Variants in SCN11A observed in about 807,000 individuals in gnomAD.
SCN11A encodes the protein sodium channel protein type 11 subunit alpha.
In SCN11A, 122 loss-of-function variants were observed where a neutral mutation model predicts 162.2. The observed-to-expected ratio is 0.75, with a 90% CI of 0.65 to 0.87. The LOEUF is 0.87. Ranked by LOEUF, SCN11A falls within the 40% of genes least tolerant of loss-of-function variation. The pLI is 0.00. For missense variants in SCN11A, 2,015 were observed against 2,181.6 expected (o/e 0.92, Z 1.52); for synonymous variants, 758 against 751.5 (o/e 1.01, Z -0.14).
chr3:39,041,040 C>G (rs150650296), intron 1 of SCN11A, among the ~76,000 whole-genome samples: 2,187 of 152,252 alleles, frequency 0.014, 20 homozygotes, highest in Non-Finnish European at 0.018. Context: ...TGAGATAGCG[C>G]CACTGCACTC....
intron 28 of SCN11A, among the ~76,000 whole-genome samples, chr3:38,859,661 T>C (rs1233053240): frequency 6.6e-6 from 1 of 152,142 alleles, no homozygotes; most frequent in Non-Finnish European, 1.5e-5. Context: ...ATTATGATAG[T>C]GAAAGAAATC....
chr3:38,866,667 T>A (rs1490572853), intron 27 of SCN11A, among the ~76,000 whole-genome samples: 1 of 152,246 alleles, frequency 6.6e-6, no homozygotes, highest in Non-Finnish European at 1.5e-5. Flanking sequence ...ATCAAAATCA[T>A]AAGAGGCATG....
intron 2 of SCN11A, among the ~76,000 whole-genome samples, chr3:38,964,509 G>A (rs2066769231): frequency 6.6e-6 from 1 of 152,210 alleles, no homozygotes; most frequent in African/African-American, 2.4e-5. Context: ...TCAAGGAGCT[G>A]CAAGTAAGAT....
chr3:39,025,497 G>A (rs1383951210), intron 2 of SCN11A, among the ~76,000 whole-genome samples: 1 of 152,144 alleles, frequency 6.6e-6, no homozygotes, highest in Non-Finnish European at 1.5e-5. Context: ...GAATTTTCCT[G>A]GAAAGGGATG....
At chr3:39,031,255 C>T (rs929623185) in intron 2 of SCN11A, among the ~76,000 whole-genome samples, 1 of 152,122 alleles carries the variant, frequency 6.6e-6, no homozygotes, top group African/African-American at 2.4e-5. Context: ...GGCACGGTGG[C>T]TCTCGCTTGC....
intron 7 of SCN11A, among the ~76,000 whole-genome samples, chr3:38,933,742 G>A (rs1295021437): frequency 5.3e-5 from 8 of 152,188 alleles, no homozygotes; most frequent in Non-Finnish European, 8.8e-5. Flanking sequence ...CCAAATCTAC[G>A]TCTGATTGGT....
chr3:38,931,103 A>G (rs551467331), intron 7 of SCN11A, among the ~76,000 whole-genome samples: 1 of 152,346 alleles, frequency 6.6e-6, no homozygotes, highest in South Asian at 2.1e-4. Context: ...GTAAGCAACG[A>G]GTAGCAACCC....
Position 38,850,495 on chromosome 3 carries a change from A to C in SCN11A, c.4313T>G (p.Leu1438Arg). 1 of 1,613,062 alleles carries C rather than the reference A, an allele frequency of 6.2e-7. No homozygotes were observed. Among genetic ancestry groups the C allele is most frequent in the South Asian group, 1.1e-5 (1 of 90,918 alleles). The change falls in exon 29 of 30, where the codon CTT (leucine) becomes CGT (arginine). Residue 1438 changes from leucine to arginine, a missense_variant. By Grantham distance (102) the Leu-to-Arg change is moderately radical (BLOSUM62 -2). Transcript: ENST00000302328. ...ATTTTACTTACTAACAATGGAAAGA[A>C]GCACGACCACACAGTCAAATAAATT... ...GWNLFDCVVV[L>R]LSIVSTMIST...
rs182068633 is a variant in SCN11A, at chr3:39,043,596, C to T, written c.-404+8265G>A. On this transcript the variant is annotated intron_variant, in intron 1 of 29. Coordinates refer to ENST00000302328, the MANE Select transcript of SCN11A (RefSeq NM_001349253.2). ...CACAGAAAGCAAACATCACATGTTC[C>T]CACTTATTTGTGGGATCTAAAAATC... 3.0e-3 allele frequency among the ~76,000 whole-genome samples: 452 copies of T among 151,730 alleles called. 3 individuals carry two copies. The highest frequency in any genetic ancestry group is 0.01 in the African/African-American group (432 of 41,352).
intron 28 of SCN11A, among the ~76,000 whole-genome samples, chr3:38,860,910 GA>G (rs1379414952): frequency 6.6e-6 from 1 of 152,086 alleles, no homozygotes; most frequent in Admixed American, 6.6e-5. Context: ...ATAAGAGAAA[GA>G]AATAAAGAGT....
chr3:38,968,377 C>T (rs1040675686), intron 2 of SCN11A, among the ~76,000 whole-genome samples: 9 of 152,200 alleles, frequency 5.9e-5, no homozygotes, highest in African/African-American at 1.9e-4. Flanking sequence ...AGGCAGCTGC[C>T]CCTGCCAACC....
intron 2 of SCN11A, among the ~76,000 whole-genome samples, chr3:38,961,664 A>G (rs1252016133): frequency 1.3e-5 from 2 of 152,270 alleles, no homozygotes; most frequent in Non-Finnish European, 2.9e-5. Flanking sequence ...CGAATCCATT[A>G]TCTTAAAGAG....
rs561074096 is a variant in SCN11A at position 38,932,867 on chromosome 3, C to T, written c.489-5936G>A. On this transcript the variant is annotated intron_variant, in intron 7 of 29. Coordinates refer to ENST00000302328, the MANE Select transcript of SCN11A (RefSeq NM_001349253.2). ...CCCTGTCTGACAGCTTTGAAGAGAG[C>T]AGTGGTTCTCCCAGCACCCAGCTGG... is the stretch of plus-strand genomic sequence containing the variant. 4.7e-3 allele frequency among the ~76,000 whole-genome samples: 718 copies of T among 152,342 alleles called. 2 individuals are homozygous for T. The highest frequency in any genetic ancestry group is 6.8e-3 in the Middle Eastern group (2 of 294).
intron 1 of SCN11A, among the ~76,000 whole-genome samples, chr3:39,045,655 A>G (rs1448195835): frequency 6.6e-6 from 1 of 152,140 alleles, no homozygotes; most frequent in Non-Finnish European, 1.5e-5. Context: ...AACACAATAA[A>G]GGCCATATAT....
intron 23 of SCN11A, among the ~76,000 whole-genome samples, chr3:38,878,509 G>C (rs1438046011): frequency 6.6e-6 from 1 of 152,028 alleles, no homozygotes; most frequent in African/African-American, 2.4e-5. Context: ...ACAATCATCT[G>C]TTCACACAGT....
In SCN11A at chr3:38,897,165, C is replaced by G; in HGVS notation, c.2083G>C (p.Gly695Arg). ...CTTCCAAGGGCTCCGACAGAGTTGC[C>G]GATTATCTTAATTAGTGTGTTCAAA... ...PTLNTLIKII[G>R]NSVGALGSLT... Residue 695 changes from glycine (G) to arginine (R), a missense_variant, in exon 18 of 30, where the codon GGC (glycine) becomes CGC (arginine). By Grantham distance (125) the Gly-to-Arg change is moderately radical. Coordinates refer to ENST00000302328, the MANE Select transcript of SCN11A (RefSeq NM_001349253.2). 6.2e-7 allele frequency: 1 copy of G among 1,613,976 alleles called. No homozygotes were observed. Among genetic ancestry groups the G allele is most frequent in the Non-Finnish European group, 8.5e-7 (1 of 1,179,982 alleles).
Position 38,870,614 on chromosome 3 carries a change from G to A in SCN11A, c.3813+77C>T, listed in dbSNP as rs2065109955. On this transcript the variant is annotated intron_variant, in intron 26 of 29. Coordinates refer to ENST00000302328, the MANE Select transcript of SCN11A (RefSeq NM_001349253.2). ...CCCAGCTGCTGGAACTATGACGCCA[G>A]TTCTGGACTGTCCATGTAGTCATGA... 6.2e-6 allele frequency: 8 copies of A among 1,280,438 alleles called. No individual in the cohort carries two copies. In the East Asian group the frequency reaches 1.9e-4, roughly 30 times the overall value. The allele number at this position is 1,280,438 out of a possible 1,614,324, so 79.3% of individuals were successfully genotyped here. A position where few individuals can be genotyped will look rare whatever the true frequency, so the allele number is the denominator to read the frequency against.
intron 2 of SCN11A, among the ~76,000 whole-genome samples, chr3:38,985,210 C>A (rs1442883291): frequency 7.5e-5 from 11 of 147,284 alleles, no homozygotes; most frequent in Admixed American, 1.3e-4. Context: ...TCACTGCAAG[C>A]TCTGCCTCCC....
In SCN11A at chr3:38,862,672, A is replaced by G. The variant is rs138653281; in HGVS notation, c.4056+523T>C. ...AATCAAGTATTGTATGTTCTCACTT[A>G]TAAGTAGGACCTAAGCTGTGAGGAC... On this transcript the variant is annotated intron_variant, in intron 28 of 29. Transcript: ENST00000302328. 8.7e-3 allele frequency among the ~76,000 whole-genome samples: 1,320 copies of G among 152,268 alleles called. 10 individuals carry two copies. The highest frequency in any genetic ancestry group is 0.017 in the Middle Eastern group (5 of 294).
Sources: allele counts gnomAD v4.1 joint callset (sites outside exome capture counted in the v4.1 genomes callset), GRCh38; gene constraint gnomAD v4.1.1; transcripts MANE v1.5; gene names NCBI Gene and HGNC (gene_info 2026-07-23, HGNC 2026-07-21).